The following DZIP1 variants were observed in gnomAD, a reference collection of about 807,000 sequenced individuals.
DZIP1 encodes the protein cilium assembly protein DZIP1.
Under a neutral mutation model 107.6 loss-of-function variants are expected in DZIP1, and 97 were observed. That is an observed-to-expected ratio of 0.90 (90% CI 0.77 to 1.07). The LOEUF is 1.07. Among genes scored for constraint, DZIP1 ranks in the 50% least tolerant of loss-of-function variants. The pLI, the probability that DZIP1 is intolerant of heterozygous loss-of-function variation, is 0.00. For synonymous variants in DZIP1, 390 were observed against 386.4 expected (o/e 1.01, Z -0.11); for missense variants, 1,035 against 1,063.6 (o/e 0.97, Z 0.37).
chr13:95,638,463 T>A lies in DZIP1; in HGVS notation c.597+2832A>T, dbSNP rs574358383. Among the ~76,000 whole-genome samples the A allele has an allele frequency of 4.4e-4, 66 of 150,982 alleles. 2 individuals carry two copies. The South Asian group carries it at 0.013, about 30-fold the overall frequency. ...GTCTATGCACTTTTTTGTATGTTTATAATATTTCAGTACTAATTTTTATTT... is the reference window on the plus strand; with the variant it reads ...GTCTATGCACTTTTTTGTATGTTTAAAATATTTCAGTACTAATTTTTATTT... On this transcript the variant is annotated intron_variant, in intron 5 of 22. Coordinates refer to ENST00000376829, the MANE Select transcript of DZIP1 (RefSeq NM_198968.4).
chr13:95,593,242 C>A (rs754266855), intron 16 of DZIP1, among the ~76,000 whole-genome samples: 5 of 152,186 alleles, frequency 3.3e-5, no homozygotes, highest in African/African-American at 1.2e-4. Context: ...TCTGCATACA[C>A]ACATGGATAC....
At chr13:95,591,263 G>A (rs1594651047) in intron 16 of DZIP1, among the ~76,000 whole-genome samples, 1 of 152,084 alleles carries the variant, frequency 6.6e-6, no homozygotes, top group South Asian at 2.1e-4. Flanking sequence ...TCCTGACCTC[G>A]TGATCCACCT....
chr13:95,586,327 C>A (rs1042824278), intron 20 of DZIP1, among the ~76,000 whole-genome samples, 191 bp from the exon 21 acceptor site: 1 of 152,106 alleles, frequency 6.6e-6, no homozygotes, highest in Admixed American at 6.5e-5. Flanking sequence ...AAATCATAAT[C>A]CTTCAGACTA....
chr13:95,612,106 C>G lies in DZIP1; in HGVS notation c.1245G>C (p.Lys415Asn), dbSNP rs773940963. Residue 415 changes from lysine to asparagine, a missense_variant, in exon 11 of 23, where the codon AAG (lysine) becomes AAC (asparagine). Transcript: ENST00000376829. Reference protein sequence around the residue: ...DDLNASNVFYKKRIEELGQRL... With the variant: ...DDLNASNVFYNKRIEELGQRL... ...TCTGCCCTAGCTCTTCTATCCTTTT[C>G]TTATAGAAAACATTGCTTGCATTTA... 19 of 1,613,748 alleles carry G rather than the reference C, an allele frequency of 1.2e-5. No individual in the cohort carries two copies. Among genetic ancestry groups the G allele is most frequent in the Middle Eastern group, 1.6e-4 (1 of 6,062 alleles).
Position 95,633,222 on chromosome 13 carries a change from C to T in DZIP1, c.685+12G>A. 6.2e-7 allele frequency: 1 copy of T among 1,611,496 alleles called. No individual in the cohort carries two copies. The highest frequency in any genetic ancestry group is 8.5e-7 in the Non-Finnish European group (1 of 1,177,654). On this transcript the variant is annotated intron_variant, in intron 6 of 22. Transcript: ENST00000376829. ...GGAAGAAAAGAGCTTTCAAACAGAA[C>T]TCATTACTCACCAAAATGAGAATTT...
chr13:95,642,008 A>C lies in DZIP1; in HGVS notation c.22T>G (p.Trp8Gly). 6.3e-7 allele frequency: 1 copy of C among 1,578,048 alleles called. No homozygotes were observed. The highest frequency in any genetic ancestry group is 1.4e-5 in the African/African-American group (1 of 70,720). Residue 8 changes from tryptophan to glycine, a missense_variant, in exon 4 of 23, where the codon TGG becomes GGG. Coordinates refer to ENST00000376829, the MANE Select transcript of DZIP1 (RefSeq NM_198968.4). Reference protein sequence around the residue: MQAEAADWFSSMPFQKHV... With the variant: MQAEAADGFSSMPFQKHV... Reference sequence around the variant, plus strand: ...CCGCCTCTTACCATGCTTGAAAACCAATCCGCTGCCTCAGCTTGCATAGGA... The same window carrying C: ...CCGCCTCTTACCATGCTTGAAAACCCATCCGCTGCCTCAGCTTGCATAGGA...
rs548780514 is a variant in DZIP1, at chr13:95,617,260, G to T, written c.1173+2625C>A. ...CCCTTCCTGAAGCGGGAGAATGAAA[G>T]CAAGAGAGACACACTCTAGCTGGCC... On this transcript the variant is annotated intron_variant, in intron 10 of 22. Transcript: ENST00000376829. Among the ~76,000 whole-genome samples the T allele has an allele frequency of 1.2e-3, 190 of 152,058 alleles. No homozygotes were observed. In the Middle Eastern group the frequency reaches 0.014, roughly 11 times the overall value.
rs563166871 is a variant in DZIP1, at chr13:95,601,317, T to C, written c.1478-1893A>G. Reference sequence around the variant, plus strand: ...AAGGACCTGCCCTGCTTGTGCTTTGTAAGCCACCAGTCTAGACTTCAAACG... The same window carrying C: ...AAGGACCTGCCCTGCTTGTGCTTTGCAAGCCACCAGTCTAGACTTCAAACG... On this transcript the variant is annotated intron_variant, in intron 14 of 22. Coordinates refer to ENST00000376829, the MANE Select transcript of DZIP1 (RefSeq NM_198968.4). Among the ~76,000 whole-genome samples, 64 of 152,244 alleles carry C rather than the reference T, an allele frequency of 4.2e-4. 1 individual carries two copies. In the East Asian group the frequency reaches 0.012, roughly 28 times the overall value.
At chr13:95,599,495 G>T in intron 14 of DZIP1, 71 bp from the exon 15 acceptor site, 2 of 1,260,602 alleles carry the variant, frequency 1.6e-6, no homozygotes, top group South Asian at 1.2e-5. Context: ...CCTTTCAAAT[G>T]ATTTTGAAAG....
In DZIP1 at chr13:95,578,589, G is replaced by A. The variant is rs1428812949; in HGVS notation, c.*3645C>T. The A allele has an allele frequency of 6.6e-6, 1 of 152,192 alleles. No homozygotes were observed. The highest frequency in any genetic ancestry group is 1.5e-5 in the Non-Finnish European group (1 of 68,056). 9.4% of individuals were successfully genotyped at this position (152,192 alleles called of 1,614,324 possible). A position where few individuals can be genotyped will look rare whatever the true frequency, so the allele number is the denominator to read the frequency against. ...TATCTGGTAGAACTTAACTTCTACA[G>A]GATCAGAGAGGATCTTGCTCATTCA... On this transcript the variant is annotated 3_prime_UTR_variant, in exon 23 of 23. Transcript: ENST00000376829.
chr13:95,581,627 G>A lies in DZIP1; in HGVS notation c.*607C>T. 1 of 152,106 alleles carries A rather than the reference G, an allele frequency of 6.6e-6. No homozygotes were observed. The highest frequency in any genetic ancestry group is 1.5e-5 in the Non-Finnish European group (1 of 68,078). The allele number at this position is 152,106 out of a possible 1,614,324, so 9.4% of individuals were successfully genotyped here. ...TGGAGGGGTGGAGTCTTGCTATATT[G>A]CCCACGCTGGTCTTGAACTCCTGTG... On this transcript the variant is annotated 3_prime_UTR_variant, in exon 23 of 23. Transcript: ENST00000376829.
rs1446349992 is a variant in DZIP1, at chr13:95,580,348, A to AG, written c.*1885_*1886insC. On this transcript the variant is annotated 3_prime_UTR_variant, in exon 23 of 23. Transcript: ENST00000376829. ...TGAGACTCTGTCTCAAAAAAAAAAAAAAAAAAAGATACAACTAACCATGTA... is the reference window on the plus strand; with the variant it reads ...TGAGACTCTGTCTCAAAAAAAAAAAAGAAAAAAAGATACAACTAACCATGTA... 1.3e-5 allele frequency: 2 copies of AG among 152,106 alleles called. No individual in the cohort carries two copies. Among genetic ancestry groups the AG allele is most frequent in the African/African-American group, 4.8e-5 (2 of 41,374 alleles). 9.4% of individuals were successfully genotyped at this position (152,106 alleles called of 1,614,324 possible).
rs895944829 is a variant in DZIP1, at chr13:95,624,897, G to A, written c.843C>T (p.Asp281=). 6.2e-7 allele frequency: 1 copy of A among 1,608,836 alleles called. No homozygotes were observed. Residue 281 remains aspartate (D), a synonymous_variant, in exon 8 of 23, where the codon GAC becomes GAT. Transcript: ENST00000376829. ...EYEMQKTKEE[D]FLKLFDRWKE... is the part of the protein sequence containing the mutation. ...TCCACCTGTCAAATAACTTCAAAAAGTCTTCCTCTTTTGTTTTCTGCATTT... is the reference window on the plus strand; with the variant it reads ...TCCACCTGTCAAATAACTTCAAAAAATCTTCCTCTTTTGTTTTCTGCATTT...
At chr13:95,640,646 G>A (rs1199503998) in intron 5 of DZIP1, among the ~76,000 whole-genome samples, 1 of 152,130 alleles carries the variant, frequency 6.6e-6, no homozygotes, top group African/African-American at 2.4e-5. Flanking sequence ...ACCCAAAACA[G>A]TAGAAGATTA....
At position 95,581,900 on chromosome 13, in the gene DZIP1, T is replaced by TA. The variant is rs553474145; in HGVS notation, c.*333dup. On this transcript the variant is annotated 3_prime_UTR_variant, in exon 23 of 23. Coordinates refer to ENST00000376829, the MANE Select transcript of DZIP1 (RefSeq NM_198968.4). ...TTCAAACCAAAACATGCTGTAAGTT[T>TA]AAAAAAAATTCACTAAAAAATTAGT... 4.8e-5 allele frequency: 9 copies of TA among 187,190 alleles called. No homozygotes were observed. Among genetic ancestry groups the TA allele is most frequent in the Non-Finnish European group, 6.5e-5 (6 of 91,662 alleles). 11.6% of individuals were successfully genotyped at this position (187,190 alleles called of 1,614,324 possible).
At chr13:95,609,600 TA>T (rs2044914245) in intron 12 of DZIP1, 87 bp from the exon 13 acceptor site, 4 of 847,852 alleles carry the variant, frequency 4.7e-6, no homozygotes, top group Middle Eastern at 2.3e-4. Flanking sequence ...TGAGCCCCCA[TA>T]AAAAACATAA....
intron 3 of DZIP1, 100 bp downstream of exon 3, chr13:95,642,943 C>G (rs1878705768): frequency 6.6e-6 from 1 of 152,122 alleles, no homozygotes; most frequent in African/African-American, 2.4e-5. Flanking sequence ...ACCTGTCTTT[C>G]CAAAAGGATA....
At chr13:95,625,475 A>G (rs1235124892) in intron 7 of DZIP1, among the ~76,000 whole-genome samples, 1 of 152,202 alleles carries the variant, frequency 6.6e-6, no homozygotes, top group Non-Finnish European at 1.5e-5. Context: ...GTACCCAACA[A>G]TAGCAGAATA....
At chr13:95,598,371 T>C (rs893469343) in intron 15 of DZIP1, among the ~76,000 whole-genome samples, 1 of 151,982 alleles carries the variant, frequency 6.6e-6, no homozygotes, top group South Asian at 2.1e-4. Flanking sequence ...TATAAAAATA[T>C]CAAAAAGTTA....
Sources: allele counts gnomAD v4.1 joint callset (sites outside exome capture counted in the v4.1 genomes callset), GRCh38; gene constraint gnomAD v4.1.1; transcripts MANE v1.5; gene names NCBI Gene and HGNC (gene_info 2026-07-23, HGNC 2026-07-21).